Variants in SCN1A observed in about 807,000 individuals in gnomAD.
SCN1A encodes the protein sodium channel protein type 1 subunit alpha.
A neutral mutation model predicts 193.7 loss-of-function variants in SCN1A; 13 were observed. The ratio of observed to expected loss-of-function variants is 0.07; its 90% confidence interval spans 0.04 to 0.11. SCN1A has a LOEUF of 0.11. Among genes scored for constraint, SCN1A ranks in the 10% least tolerant of loss-of-function variants. SCN1A has a pLI of 1.00. For synonymous variants in SCN1A, 781 were observed against 843.6 expected, an observed-to-expected ratio of 0.93 and a Z score of 1.29; for missense variants, 1,432 against 2,451.1, an observed-to-expected ratio of 0.58 and a Z score of 8.78.
At chr2:166,068,865 T>A (rs1559274394) in intron 4 of SCN1A, among the ~76,000 whole-genome samples, 1 of 152,354 alleles carries the variant, frequency 6.6e-6, no homozygotes, top group East Asian at 1.9e-4. Flanking sequence ...TTACTACAGA[T>A]CTAAAATGTC....
intron 2 of SCN1A, among the ~76,000 whole-genome samples, chr2:166,090,178 G>T (rs1401099065): frequency 6.6e-6 from 1 of 151,482 alleles, no homozygotes; most frequent in Non-Finnish European, 1.5e-5. Context: ...TAGCTGGGAT[G>T]CATACCAGCA....
chr2:166,032,159 A>G (rs955652363), intron 19 of SCN1A, among the ~76,000 whole-genome samples: 3 of 70,370 alleles, frequency 4.3e-5, no homozygotes, highest in African/African-American at 1.9e-4. Context: ...CATCAGTAAC[A>G]TATGTCTCAA....
chr2:166,041,442 G>A lies in SCN1A; in HGVS notation c.2204C>T (p.Pro735Leu). 6.2e-7 allele frequency: 1 copy of A among 1,611,192 alleles called. No individual in the cohort carries two copies. The highest frequency in any genetic ancestry group is 8.5e-7 in the Non-Finnish European group (1 of 1,178,748). Residue 735 changes from proline to leucine, a missense_variant, in exon 16 of 29, where the codon CCA becomes CTA. By Grantham distance (98) the Pro-to-Leu change is moderately conservative. Around this residue, in one of 18 missense-constraint regions of SCN1A, gnomAD observed 316 missense variants for 362.1 expected, o/e 0.87. Coordinates refer to ENST00000674923, the MANE Select transcript of SCN1A (RefSeq NM_001165963.4). ...GTTGGAAAATTTATACCAACAGGGT[G>A]GGCATTTCTGCCTGGATTCTTCAAG... ...EELEESRQKC[P>L]PCWYKFSNIF... is the part of the protein sequence containing the mutation.
At chr2:166,030,631 T>A (rs1489029995) in intron 19 of SCN1A, among the ~76,000 whole-genome samples, 1 of 152,154 alleles carries the variant, frequency 6.6e-6, no homozygotes, top group African/African-American at 2.4e-5. Context: ...CTTTTAGATC[T>A]TCATAACATT....
chr2:166,129,655 A>G (rs1691567609), upstream of SCN1A, among the ~76,000 whole-genome samples: 1 of 152,210 alleles, frequency 6.6e-6, no homozygotes, highest in African/African-American at 2.4e-5. Context: ...ATGAAAAGAG[A>G]GTGGGAACTG....
At chr2:166,140,547 A>G (rs1692039122) in intron 1 of SCN1A, among the ~76,000 whole-genome samples, 2 of 152,166 alleles carry the variant, frequency 1.3e-5, no homozygotes, top group South Asian at 2.1e-4. Flanking sequence ...GAATATAACT[A>G]TGTTTGGACG....
At chr2:166,041,085 G>C in intron 16 of SCN1A, 146 bp downstream of exon 16, 4 of 696,906 alleles carry the variant, frequency 5.7e-6, no homozygotes, top group Non-Finnish European at 1.0e-5. Flanking sequence ...AAAAAGTAGA[G>C]TATAGCCAGC....
At chr2:166,085,524 A>T (rs747741610) in intron 2 of SCN1A, among the ~76,000 whole-genome samples, 14 of 152,270 alleles carry the variant, frequency 9.2e-5, no homozygotes, top group Admixed American at 2.0e-4. Context: ...CACAAAGCAA[A>T]ACTGTCCAGG....
rs1574278821 is a variant in SCN1A, at chr2:166,054,250, C to A, written c.602+388G>T. ...GTGTGTAATATCAGCAAGGTCATTG[C>A]AAATTTGTGTAGCCAATAGAACTGT... is the stretch of plus-strand genomic sequence containing the variant. On this transcript the variant is annotated intron_variant, in intron 7 of 28. Coordinates refer to ENST00000674923, the MANE Select transcript of SCN1A (RefSeq NM_001165963.4). Among the ~76,000 whole-genome samples the A allele has an allele frequency of 1.3e-5, 2 of 152,088 alleles. 1 individual carries two copies. The highest frequency in any genetic ancestry group is 4.2e-4 in the South Asian group (2 of 4,808).
chr2:166,141,945 A>G (rs557138659), intron 1 of SCN1A, among the ~76,000 whole-genome samples: 132 of 152,218 alleles, frequency 8.7e-4, no homozygotes, highest in African/African-American at 3.1e-3. Context: ...AACTGTTTCC[A>G]TCACCAGAAA....
At chr2:166,031,586 T>G (rs900352052) in intron 19 of SCN1A, among the ~76,000 whole-genome samples, 1 of 152,012 alleles carries the variant, frequency 6.6e-6, no homozygotes, top group African/African-American at 2.4e-5. Flanking sequence ...GATAAACTTA[T>G]AAAACAATTT....
chr2:166,043,941 C>T lies in SCN1A; in HGVS notation c.1771G>A (p.Ala591Thr), dbSNP rs1437209028. The change falls in exon 14 of 29, where the codon GCA becomes ACA. Residue 591 changes from alanine (A) to threonine (T), a missense_variant. Coordinates refer to ENST00000674923, the MANE Select transcript of SCN1A (RefSeq NM_001165963.4). The stretch of plus-strand genomic sequence containing the variant: ...TCAAAGGTGCTGTGCTCATCATCTG[C>T]GAAGTCGTTCTCAGATCCCACATCC... Reference protein sequence around the residue: ...AKDVGSENDFADDEHSTFEDN... With the variant: ...AKDVGSENDFTDDEHSTFEDN... The T allele has an allele frequency of 2.5e-6, 4 of 1,614,128 alleles. No individual in the cohort carries two copies. The highest frequency in any genetic ancestry group is 3.4e-6 in the Non-Finnish European group (4 of 1,180,028).
intron 1 of SCN1A, among the ~76,000 whole-genome samples, chr2:166,144,848 T>G (rs1692239104): frequency 9.3e-6 from 1 of 107,926 alleles, no homozygotes; most frequent in African/African-American, 4.3e-5. Context: ...TCAGAAAGGA[T>G]CATGGTTTTT....
chr2:166,072,256 G>A (rs376174915), intron 4 of SCN1A, among the ~76,000 whole-genome samples: 3 of 152,068 alleles, frequency 2.0e-5, no homozygotes, highest in African/African-American at 7.2e-5. Context: ...AGAAGAAAAT[G>A]TTACGAATCA....
Position 166,036,151 on chromosome 2 carries a change from G to T in SCN1A, c.3326C>A (p.Pro1109His). 1 of 1,613,894 alleles carries T rather than the reference G, an allele frequency of 6.2e-7. No individual in the cohort carries two copies. The highest frequency in any genetic ancestry group is 8.5e-7 in the Non-Finnish European group (1 of 1,179,918). Residue 1109 changes from proline to histidine, a missense_variant, in exon 19 of 29, where the codon CCC becomes CAC. Pro to His is a moderately conservative substitution (Grantham distance 77, BLOSUM62 -2). Around this residue, in one of 18 missense-constraint regions of SCN1A, gnomAD observed 198 missense variants for 225.8 expected, o/e 0.88. Transcript: ENST00000674923. ...ESDYMSFINN[P>H]SLTVTVPIAV... Reference sequence around the variant, plus strand: ...AATTGGTACAGTCACAGTAAGACTGGGGTTGTTTATGAATGACATGTAATC... The same window carrying T: ...AATTGGTACAGTCACAGTAAGACTGTGGTTGTTTATGAATGACATGTAATC...
intron 19 of SCN1A, among the ~76,000 whole-genome samples, chr2:166,026,383 T>A (rs1694760699): frequency 6.6e-6 from 1 of 152,080 alleles, no homozygotes; most frequent in South Asian, 2.1e-4. Flanking sequence ...CTATTATTAT[T>A]AAATACTCAA....
intron 2 of SCN1A, among the ~76,000 whole-genome samples, chr2:166,090,028 C>CTTTT (rs1686611664): frequency 8.8e-6 from 1 of 113,792 alleles, no homozygotes; most frequent in Non-Finnish European, 1.8e-5. Flanking sequence ...TTCCTTCTTT[C>CTTTT]CTTTTTTTTT....
At chr2:166,056,278 T>A in intron 6 of SCN1A, 133 bp downstream of exon 6, 2 of 670,206 alleles carry the variant, frequency 3.0e-6, no homozygotes, top group Non-Finnish European at 5.4e-6. Flanking sequence ...ATGAGCATTG[T>A]CCTCTTGCTG....
chr2:166,043,530 A>G (rs1466947816), intron 14 of SCN1A, 139 bp downstream of exon 14: 6 of 910,568 alleles, frequency 6.6e-6, no homozygotes, highest in African/African-American at 1.7e-5. Flanking sequence ...TGGTTAGTCT[A>G]TTAAAGATAT....
Sources: gnomAD v4.1 joint callset for allele counts (sites outside exome capture counted in the v4.1 genomes callset) on GRCh38, gnomAD v4.1.1 for gene constraint, gnomAD v4.1.1 regional missense constraint, MANE v1.5 for transcripts, NCBI Gene and HGNC (gene_info 2026-07-23, HGNC 2026-07-21) for gene names.